The following PLCXD1 variants were observed in gnomAD, a reference collection of about 807,000 sequenced individuals.
PLCXD1 encodes the protein PI-PLC X domain-containing protein 1.
Under a neutral mutation model 37.8 loss-of-function variants are expected in PLCXD1, and 45 were observed. That is an observed-to-expected ratio of 1.19 (90% CI 0.94 to 1.53). The LOEUF (loss-of-function observed/expected upper bound fraction) is 1.53. PLCXD1 is among the 40% of genes most tolerant of loss of function. The pLI is 0.00. For missense variants in PLCXD1, 539 were observed against 454.7 expected (o/e 1.19, Z -1.69); for synonymous variants, 246 against 206.9 (o/e 1.19, Z -1.62).
rs2070007106 is a variant in PLCXD1 at position 301,223 on chromosome X, C to G, written c.*1888C>G. 1 of 152,128 alleles carries G rather than the reference C, an allele frequency of 6.6e-6. No homozygotes were observed. Among genetic ancestry groups the G allele is most frequent in the South Asian group, 2.1e-4 (1 of 4,824 alleles). 9.4% of individuals were successfully genotyped at this position (152,128 alleles called of 1,614,324 possible). ...TCAGGGTTTCACCACATGGCACAGT[C>G]TGGTCTCAAATTCCTGGGCTCCAGT... On this transcript the variant is annotated 3_prime_UTR_variant, in exon 7 of 7. Transcript: ENST00000381657.
intron 3 of PLCXD1, among the ~76,000 whole-genome samples, chrX:289,535 C>T (rs747188860): frequency 3.8e-4 from 40 of 105,176 alleles, no homozygotes; most frequent in African/African-American, 7.7e-4. Context: ...TTTTTTGAGA[C>T]GGAGTCTCAC....
intron 5 of PLCXD1, among the ~76,000 whole-genome samples, chrX:292,214 G>A (rs979931980): frequency 3.9e-5 from 6 of 152,064 alleles, no homozygotes; most frequent in Non-Finnish European, 8.8e-5. Context: ...CCAGGACTTT[G>A]GGAGGCCGAG....
rs1169974989 is a variant in PLCXD1 at position 285,554 on chromosome X, CAT to C, written c.127+1241_127+1242del. On this transcript the variant is annotated intron_variant, in intron 2 of 6. Coordinates refer to ENST00000381657, the MANE Select transcript of PLCXD1 (RefSeq NM_018390.4). ...GTACATGCATGCACACAGACATACA[CAT>C]GTACACATTTGCACCTATTCACATA... 1.6e-4 allele frequency among the ~76,000 whole-genome samples: 11 copies of C among 67,772 alleles called. 1 individual carries two copies. The highest frequency in any genetic ancestry group is 6.6e-4 in the South Asian group (2 of 3,022). 44.5% of individuals were successfully genotyped at this position (67,772 alleles called of 152,430 possible). A position where few individuals can be genotyped will look rare whatever the true frequency, so the allele number is the denominator to read the frequency against.
At chrX:283,017 A>G (rs2069324628) in intron 1 of PLCXD1, 1 of 146,548 alleles carries the variant, frequency 6.8e-6, no homozygotes, top group African/African-American at 2.5e-5. Flanking sequence ...TATGTTATAT[A>G]TATGTTATGT....
chrX:285,374 G>A (rs1301824707), intron 2 of PLCXD1, among the ~76,000 whole-genome samples: 73 of 119,042 alleles, frequency 6.1e-4, no homozygotes, highest in African/African-American at 3.1e-3. Flanking sequence ...ATGCACACAT[G>A]TATATATATA....
chrX:291,793 T>C, intron 5 of PLCXD1, 139 bp downstream of exon 5: 1 of 948,202 alleles, frequency 1.1e-6, no homozygotes, highest in East Asian at 2.4e-5. Context: ...GGCTGCCTGC[T>C]CTCCCGCAGT....
rs2069632182 is a variant in PLCXD1 at position 291,485 on chromosome X, A to AC, written c.394-8dup. 1.2e-6 allele frequency: 2 copies of AC among 1,610,428 alleles called. No homozygotes were observed. Among genetic ancestry groups the AC allele is most frequent in the South Asian group, 2.2e-5 (2 of 90,860 alleles). ...GGAGTCGTGCAGGACTCAGCCCAGC[A>AC]CCCCCCTCCCCAGGACACACTCACG... On this transcript the variant is annotated splice_polypyrimidine_tract_variant and intron_variant, in intron 4 of 6. Transcript: ENST00000381657.
Position 293,020 on chromosome X carries a change from T to C in PLCXD1, c.550-15T>C. On this transcript the variant is annotated splice_polypyrimidine_tract_variant and intron_variant, in intron 5 of 6. Coordinates refer to ENST00000381657, the MANE Select transcript of PLCXD1 (RefSeq NM_018390.4). ...TCCTCTCTCCCCTGCACCCCTTAAC[T>C]CTGGTCCTTTGCAGGAGGTGCCGAC... The C allele has an allele frequency of 6.3e-7, 1 of 1,596,466 alleles. No homozygotes were observed. Among genetic ancestry groups the C allele is most frequent in the Non-Finnish European group, 8.6e-7 (1 of 1,169,386 alleles).
intron 2 of PLCXD1, among the ~76,000 whole-genome samples, chrX:285,328 ACACATG>A (rs1422681936): frequency 6.1e-5 from 9 of 147,932 alleles, no homozygotes; most frequent in East Asian, 1.9e-4. Flanking sequence ...GCGGGTGTGT[ACACATG>A]CACATGCACA....
At chrX:290,424 C>A (rs184582567) in intron 3 of PLCXD1, among the ~76,000 whole-genome samples, 1 of 115,398 alleles carries the variant, frequency 8.7e-6, no homozygotes, top group East Asian at 2.5e-4. Flanking sequence ...AGCGAGACTC[C>A]GTCTCAAAAA....
chrX:289,239 C>T (rs2069550489), intron 3 of PLCXD1, among the ~76,000 whole-genome samples: 1 of 152,024 alleles, frequency 6.6e-6, no homozygotes, highest in South Asian at 2.1e-4. Context: ...AGGCACCTGT[C>T]ACCACACCTG....
upstream of PLCXD1, among the ~76,000 whole-genome samples, chrX:276,866 C>T (rs187719043): frequency 1.9e-3 from 285 of 152,252 alleles, no homozygotes; most frequent in African/African-American, 6.5e-3. Flanking sequence ...CCATTCACCC[C>T]GTGCGTTGAA....
chrX:279,028 G>A (rs1385744758), upstream of PLCXD1, among the ~76,000 whole-genome samples: 1 of 152,164 alleles, frequency 6.6e-6, no homozygotes, highest in African/African-American at 2.4e-5. Flanking sequence ...GGAGATGGGG[G>A]AGGGGTGGCT....
chrX:282,375 C>G (rs2069297922), intron 1 of PLCXD1, among the ~76,000 whole-genome samples: 1 of 133,840 alleles, frequency 7.5e-6, no homozygotes, highest in Non-Finnish European at 1.6e-5. Context: ...AGAGTGAAAC[C>G]CTGTCTTTAA....
rs1007960779 is a variant in PLCXD1, at chrX:300,402, GTGTGTATATA to G, written c.*1079_*1088del. On this transcript the variant is annotated 3_prime_UTR_variant, in exon 7 of 7. Coordinates refer to ENST00000381657, the MANE Select transcript of PLCXD1 (RefSeq NM_018390.4). ...TGTATATATGTGTGTTTATGTGTCT[GTGTGTATATA>G]TGTGTATATATCGGTGTGTATATAT... 8 of 151,624 alleles carry G rather than the reference GTGTGTATATA, an allele frequency of 5.3e-5. No homozygotes were observed. The highest frequency in any genetic ancestry group is 8.8e-5 in the Non-Finnish European group (6 of 67,988). The allele number at this position is 151,624 out of a possible 1,614,324, so 9.4% of individuals were successfully genotyped here.
intron 6 of PLCXD1, among the ~76,000 whole-genome samples, chrX:295,691 AT>A (rs1212485875): frequency 4.0e-5 from 6 of 149,756 alleles, no homozygotes; most frequent in Non-Finnish European, 8.9e-5. Flanking sequence ...CACCCGGCTA[AT>A]TTTTTTTTGT....
At chrX:295,771 C>T (rs930134526) in intron 6 of PLCXD1, among the ~76,000 whole-genome samples, 1 of 151,906 alleles carries the variant, frequency 6.6e-6, no homozygotes, top group African/African-American at 2.4e-5. Flanking sequence ...TCATGATCTG[C>T]CCGTCTCAGT....
chrX:293,155 A>G lies in PLCXD1; in HGVS notation c.670A>G (p.Asn224Asp). 6.2e-7 allele frequency: 1 copy of G among 1,612,810 alleles called. No homozygotes were observed. Among genetic ancestry groups the G allele is most frequent in the Non-Finnish European group, 8.5e-7 (1 of 1,179,752 alleles). The change falls in exon 6 of 7, where the codon AAC becomes GAC. Residue 224 changes from asparagine (N) to aspartate (D), a missense_variant. Physicochemically the swap from Asn to Asp is conservative, Grantham distance 23 (BLOSUM62 1). Coordinates refer to ENST00000381657, the MANE Select transcript of PLCXD1 (RefSeq NM_018390.4). ...LWPGVPYWWG[N>D]RVKTEALIRY... ...GCCAGGAGTCCCCTACTGGTGGGGAAACAGGGTGAAGACCGAGGCCCTCAT... is the reference window on the plus strand; with the variant it reads ...GCCAGGAGTCCCCTACTGGTGGGGAGACAGGGTGAAGACCGAGGCCCTCAT...
intron 6 of PLCXD1, among the ~76,000 whole-genome samples, chrX:298,597 T>C (rs1280868945): frequency 9.1e-5 from 3 of 32,998 alleles, no homozygotes; most frequent in Admixed American, 2.3e-4. Context: ...ATTCTGTCTA[T>C]CACATGGGGA....
Sources: allele counts gnomAD v4.1 joint callset (sites outside exome capture counted in the v4.1 genomes callset), GRCh38; gene constraint gnomAD v4.1.1; transcripts MANE v1.5; gene names NCBI Gene and HGNC (gene_info 2026-07-23, HGNC 2026-07-21).